WDR45B: variants seen among roughly 807,000 people sequenced by gnomAD.
The protein encoded by WDR45B is WD repeat domain 45B, also known as WD repeat domain phosphoinositide-interacting protein 3.
WDR45B carries 20 observed loss-of-function variants against 44.6 expected under a neutral mutation model. That is an observed-to-expected ratio of 0.45 (90% CI 0.32 to 0.65). WDR45B has a LOEUF of 0.65. WDR45B is among the 30% of genes least tolerant of loss of function. The pLI, the probability that WDR45B is intolerant of heterozygous loss-of-function variation, is 0.05. For missense variants in WDR45B, 323 were observed against 430.2 expected (o/e 0.75, Z 2.20); for synonymous variants, 169 against 164.9 (o/e 1.02, Z -0.19).
intron 2 of WDR45B, among the ~76,000 whole-genome samples, chr17:82,641,420 C>T (rs1161132493): frequency 6.6e-6 from 1 of 152,146 alleles, no homozygotes; most frequent in Non-Finnish European, 1.5e-5. Context: ...TTGTTACAAT[C>T]TTTTGTTATA....
intron 1 of WDR45B, among the ~76,000 whole-genome samples, chr17:82,645,689 G>A (rs2045966738): frequency 6.6e-6 from 1 of 152,124 alleles, no homozygotes; most frequent in Non-Finnish European, 1.5e-5. Context: ...GTCACTGAGA[G>A]ACATCTTCTA....
chr17:82,617,758 T>C (rs2045557933), intron 7 of WDR45B, among the ~76,000 whole-genome samples: 2 of 152,178 alleles, frequency 1.3e-5, no homozygotes, highest in Non-Finnish European at 2.9e-5. Context: ...TTCTCTCCAA[T>C]GATCCTGGCC....
chr17:82,616,100 A>T, intron 9 of WDR45B, 75 bp from the exon 10 acceptor site: 1 of 1,369,130 alleles, frequency 7.3e-7, no homozygotes, highest in Non-Finnish European at 1.0e-6. Context: ...CACTGAGCTG[A>T]ACTGCAAAGG....
chr17:82,629,081 C>T (rs1041465817), intron 3 of WDR45B, among the ~76,000 whole-genome samples: 7 of 152,148 alleles, frequency 4.6e-5, no homozygotes, highest in African/African-American at 1.7e-4. Context: ...ACTCAAAAAC[C>T]TGCTGAATAC....
In WDR45B at chr17:82,629,505, C is replaced by G. The variant is rs769746718; in HGVS notation, c.244+1416G>C. 10 of 985,544 alleles carry G rather than the reference C, an allele frequency of 1.0e-5. 1 individual carries two copies. In the South Asian group the frequency reaches 2.8e-4, roughly 28 times the overall value. The allele number at this position is 985,544 out of a possible 1,614,324, so 61.0% of individuals were successfully genotyped here. ...GCTATGCTAGCAGCCACTCTCAACTCTGCTTTAAAGCTGGCACAGACAAAC... is the reference window on the plus strand; with the variant it reads ...GCTATGCTAGCAGCCACTCTCAACTGTGCTTTAAAGCTGGCACAGACAAAC... On this transcript the variant is annotated intron_variant, in intron 3 of 9. Coordinates refer to ENST00000392325, the MANE Select transcript of WDR45B (RefSeq NM_019613.4).
At position 82,619,084 on chromosome 17, in the gene WDR45B, G is replaced by C; in HGVS notation, c.663C>G (p.Ile221Met). The C allele has an allele frequency of 1.2e-6, 2 of 1,614,162 alleles. No homozygotes were observed. The highest frequency in any genetic ancestry group is 1.7e-6 in the Non-Finnish European group (2 of 1,180,044). Residue 221 changes from isoleucine (I) to methionine (M), a missense_variant, in exon 7 of 10, where the codon ATC (isoleucine) becomes ATG (methionine). Coordinates refer to ENST00000392325, the MANE Select transcript of WDR45B (RefSeq NM_019613.4). ...RIFDTSSGHLIQELRRGSQAA... is the reference protein window; with the variant it reads ...RIFDTSSGHLMQELRRGSQAA... ...CTTGAGATCCTCTTCGCAGTTCCTG[G>C]ATTAAATGCCCTGATGAAGTATCAA...
intron 2 of WDR45B, among the ~76,000 whole-genome samples, chr17:82,636,963 T>C (rs1034008908): frequency 6.6e-5 from 10 of 151,878 alleles, no homozygotes; most frequent in African/African-American, 2.4e-4. Context: ...CCCCAGCCCA[T>C]AGGGGAGTGA....
rs372604631 is a variant in WDR45B at position 82,621,565 on chromosome 17, T to C, written c.618+44A>G. On this transcript the variant is annotated intron_variant, in intron 6 of 9. Coordinates refer to ENST00000392325, the MANE Select transcript of WDR45B (RefSeq NM_019613.4). ...GGAATGGCCATTTTGCTGAGCCTGC[T>C]GCTCCAGGAGGCACAACACCAACAA... 735 of 1,612,800 alleles carry C rather than the reference T, an allele frequency of 4.6e-4. 1 individual carries two copies. The highest frequency in any genetic ancestry group is 5.8e-4 in the Non-Finnish European group (680 of 1,179,676).
rs1568021129 is a variant in WDR45B at position 82,648,344 on chromosome 17, GC to G, written c.-5del. The G allele has an allele frequency of 1.2e-6, 2 of 1,605,458 alleles. No homozygotes were observed. The highest frequency in any genetic ancestry group is 1.7e-6 in the Non-Finnish European group (2 of 1,177,532). On this transcript the variant is annotated 5_prime_UTR_variant, in exon 1 of 10. Coordinates refer to ENST00000392325, the MANE Select transcript of WDR45B (RefSeq NM_019613.4). Reference sequence around the variant, plus strand: ...GGTTACACGGCAGGAGGTTCATGGCGCCGCCGTGCTGGGTCGCCGCTCCTCA... The same window carrying G: ...GGTTACACGGCAGGAGGTTCATGGCGCGCCGTGCTGGGTCGCCGCTCCTCA...
chr17:82,624,753 G>C (rs887083654), intron 5 of WDR45B, among the ~76,000 whole-genome samples: 10 of 151,740 alleles, frequency 6.6e-5, no homozygotes, highest in African/African-American at 2.4e-4. Context: ...CAAGTAGCTG[G>C]GACTACAGGT....
intron 2 of WDR45B, among the ~76,000 whole-genome samples, chr17:82,635,183 T>TA (rs1420824634): frequency 1.3e-5 from 2 of 151,508 alleles, no homozygotes; most frequent in African/African-American, 2.4e-5. Flanking sequence ...ATTTTTTTTT[T>TA]AAAAAATGCT....
At chr17:82,626,361 CCCTG>C (rs2045697070) in intron 4 of WDR45B, among the ~76,000 whole-genome samples, 1 of 150,618 alleles carries the variant, frequency 6.6e-6, no homozygotes, top group Non-Finnish European at 1.5e-5. Context: ...CATGGTGAAA[CCCTG>C]TCTCTACTAA....
intron 3 of WDR45B, among the ~76,000 whole-genome samples, chr17:82,627,696 G>A (rs973056096): frequency 3.9e-5 from 6 of 152,110 alleles, no homozygotes; most frequent in East Asian, 1.9e-4. Context: ...CTCTCAGTGC[G>A]CACAGCCCGG....
At chr17:82,620,232 C>T (rs764178294) in intron 6 of WDR45B, among the ~76,000 whole-genome samples, 3 of 152,114 alleles carry the variant, frequency 2.0e-5, no homozygotes, top group Non-Finnish European at 4.4e-5. Context: ...TCGGGAGTTC[C>T]AAGCCAGCCT....
rs891332619 is a variant in WDR45B at position 82,627,366 on chromosome 17, G to A, written c.245-75C>T. ...GCTGGGATGCAGCGATGCCAGCTTG[G>A]CGCCTAAGGTGTTTTCTCTTCCCAC... On this transcript the variant is annotated intron_variant, in intron 3 of 9. Coordinates refer to ENST00000392325, the MANE Select transcript of WDR45B (RefSeq NM_019613.4). 10 of 1,279,172 alleles carry A rather than the reference G, an allele frequency of 7.8e-6. No homozygotes were observed. The African/African-American group carries it at 1.2e-4, about 15-fold the overall frequency. 79.2% of individuals were successfully genotyped at this position (1,279,172 alleles called of 1,614,324 possible).
chr17:82,642,020 G>C (rs906885979), intron 2 of WDR45B, among the ~76,000 whole-genome samples: 3 of 152,088 alleles, frequency 2.0e-5, no homozygotes, highest in Non-Finnish European at 4.4e-5. Context: ...AAATCCAAGA[G>C]GTCAGCTGAA....
chr17:82,623,342 G>GC (rs988503094), intron 5 of WDR45B, among the ~76,000 whole-genome samples: 2 of 143,374 alleles, frequency 1.4e-5, no homozygotes, highest in Non-Finnish European at 3.0e-5. Context: ...AGCTGAGATC[G>GC]CACCACTGCA....
chr17:82,646,725 G>A (rs143030477), intron 1 of WDR45B, among the ~76,000 whole-genome samples: 259 of 152,104 alleles, frequency 1.7e-3, no homozygotes, highest in African/African-American at 5.8e-3. Context: ...CCTTCTACAG[G>A]TATAGCACAC....
intron 5 of WDR45B, among the ~76,000 whole-genome samples, chr17:82,624,687 C>T (rs1489346269): frequency 1.3e-5 from 2 of 149,676 alleles, no homozygotes; most frequent in South Asian, 2.1e-4. Flanking sequence ...GGTGTGATCT[C>T]GGCTCACTGC....
Sources: gnomAD v4.1 joint callset for allele counts (sites outside exome capture counted in the v4.1 genomes callset) on GRCh38, gnomAD v4.1.1 for gene constraint, MANE v1.5 for transcripts, NCBI Gene and HGNC (gene_info 2026-07-23, HGNC 2026-07-21) for gene names.